Variants in PPP6R3 observed in about 807,000 individuals in gnomAD.
PPP6R3 encodes the protein serine/threonine-protein phosphatase 6 regulatory subunit 3.
In PPP6R3, 38 loss-of-function variants were observed where a neutral mutation model predicts 110.7. The observed-to-expected ratio is 0.34, with a 90% CI of 0.26 to 0.45. The LOEUF (loss-of-function observed/expected upper bound fraction) is 0.45, where lower values mean the gene tolerates loss of function less well. Among genes scored for constraint, PPP6R3 ranks in the 20% least tolerant of loss-of-function variants. PPP6R3 has a pLI of 1.00. For synonymous variants in PPP6R3, 369 were observed against 373.5 expected (o/e 0.99, Z 0.14); for missense variants, 870 against 1,062.4 (o/e 0.82, Z 2.52).
chr11:68,556,357 C>T (rs2099399428), intron 7 of PPP6R3, among the ~76,000 whole-genome samples: 1 of 152,020 alleles, frequency 6.6e-6, no homozygotes, highest in African/African-American at 2.4e-5. Flanking sequence ...GCAATCTGGG[C>T]TTAAATTGAA....
At chr11:68,505,313 TATTA>T (rs1399255055) in intron 1 of PPP6R3, 2 of 152,224 alleles carry the variant, frequency 1.3e-5, no homozygotes, top group African/African-American at 4.8e-5. Flanking sequence ...GAATGAAGAA[TATTA>T]ATTTATATGC....
At chr11:68,610,653 C>T (rs1450297529) in intron 23 of PPP6R3, among the ~76,000 whole-genome samples, 3 of 152,130 alleles carry the variant, frequency 2.0e-5, no homozygotes, top group Non-Finnish European at 4.4e-5. Flanking sequence ...CTCAGCCACC[C>T]GGAGCCCATG....
chr11:68,615,281 C>T lies in PPP6R3; in HGVS notation c.*2164C>T, dbSNP rs905985700. Reference sequence around the variant, plus strand: ...ATGAGACTAACAGATGTCTACAATACAATACCTGTATTCAAAATAACAAAA... The same window carrying T: ...ATGAGACTAACAGATGTCTACAATATAATACCTGTATTCAAAATAACAAAA... On this transcript the variant is annotated 3_prime_UTR_variant, in exon 24 of 24. Transcript: ENST00000393800. 1 of 356,216 alleles carries T rather than the reference C, an allele frequency of 2.8e-6. No individual in the cohort carries two copies. The highest frequency in any genetic ancestry group is 2.1e-5 in the African/African-American group (1 of 46,712). The allele number at this position is 356,216 out of a possible 1,614,324, so 22.1% of individuals were successfully genotyped here. A position where few individuals can be genotyped will look rare whatever the true frequency, so the allele number is the denominator to read the frequency against.
rs1281747353 is a variant in PPP6R3 at position 68,614,804 on chromosome 11, A to G, written c.*1687A>G. ...CCTCCTCTGGAAGCAGCACCCCCAG[A>G]GGACAGGGCTCCTCCTGCTTGCCTC... is the stretch of plus-strand genomic sequence containing the variant. On this transcript the variant is annotated 3_prime_UTR_variant, in exon 24 of 24. Transcript: ENST00000393800. The G allele has an allele frequency of 3.4e-6, 5 of 1,489,004 alleles. No individual in the cohort carries two copies. In the African/African-American group the frequency reaches 7.0e-5, roughly 21 times the overall value. The allele number at this position is 1,489,004 out of a possible 1,614,324, so 92.2% of individuals were successfully genotyped here.
intron 1 of PPP6R3, among the ~76,000 whole-genome samples, chr11:68,510,675 A>G (rs773791985): frequency 1.1e-4 from 17 of 152,126 alleles, no homozygotes; most frequent in Admixed American, 1.0e-3. Flanking sequence ...AAAGCTTTAT[A>G]TGTCCATATT....
At chr11:68,565,974 C>T (rs1593244043) in intron 9 of PPP6R3, among the ~76,000 whole-genome samples, 1 of 152,206 alleles carries the variant, frequency 6.6e-6, no homozygotes, top group Non-Finnish European at 1.5e-5. Context: ...TGGGGAGGGG[C>T]AGAAAGGGCA....
At chr11:68,612,851 A>G (rs982146813) in intron 23 of PPP6R3, 14 of 913,370 alleles carry the variant, frequency 1.5e-5, no homozygotes, top group Non-Finnish European at 2.0e-5. Context: ...CCCTTGCTGA[A>G]TGCCTGCTCA....
At chr11:68,576,951 C>T (rs2099533989) in intron 14 of PPP6R3, among the ~76,000 whole-genome samples, 1 of 152,166 alleles carries the variant, frequency 6.6e-6, no homozygotes, top group Non-Finnish European at 1.5e-5. Context: ...AGGGCTGTGC[C>T]CCCTACTTTG....
chr11:68,601,504 G>A (rs1210199105), intron 20 of PPP6R3, among the ~76,000 whole-genome samples: 1 of 152,230 alleles, frequency 6.6e-6, no homozygotes, highest in Non-Finnish European at 1.5e-5. Context: ...CAGTCAACCT[G>A]ATAAATACCG....
chr11:68,582,048 C>G (rs2099556777), intron 14 of PPP6R3, among the ~76,000 whole-genome samples: 2 of 152,158 alleles, frequency 1.3e-5, no homozygotes, highest in Non-Finnish European at 2.9e-5. Flanking sequence ...GTTTATTGAA[C>G]CAGTGTTGGA....
chr11:68,464,851 T>G (rs490224), intron 1 of PPP6R3, among the ~76,000 whole-genome samples: 1 of 151,860 alleles, frequency 6.6e-6, no homozygotes, highest in African/African-American at 2.4e-5. Flanking sequence ...TGTCAGTCAG[T>G]GGTCAGGTCT....
At chr11:68,542,233 GT>G (rs2099320243) in intron 3 of PPP6R3, among the ~76,000 whole-genome samples, 1 of 151,758 alleles carries the variant, frequency 6.6e-6, no homozygotes. Context: ...CGAGGAGGAA[GT>G]GCCCAGCTGT....
At chr11:68,604,141 A>G (rs1287587263) in intron 22 of PPP6R3, among the ~76,000 whole-genome samples, 2 of 152,312 alleles carry the variant, frequency 1.3e-5, no homozygotes, top group South Asian at 2.1e-4. Context: ...ACTACAAAAC[A>G]AGGAGTGAAA....
intron 10 of PPP6R3, 127 bp downstream of exon 10, chr11:68,567,293 T>TA: frequency 9.5e-7 from 1 of 1,047,218 alleles, no homozygotes; most frequent in Non-Finnish European, 1.3e-6. Context: ...TAAATGGTGT[T>TA]TTATGTAGTT....
intron 16 of PPP6R3, among the ~76,000 whole-genome samples, 153 bp from the exon 17 acceptor site, chr11:68,590,507 A>G (rs996252773): frequency 3.3e-5 from 5 of 152,232 alleles, no homozygotes; most frequent in Non-Finnish European, 7.3e-5. Flanking sequence ...AGCTGGCATC[A>G]TTTAATATAA....
intron 1 of PPP6R3, among the ~76,000 whole-genome samples, chr11:68,487,810 T>C (rs974849106): frequency 2.0e-5 from 3 of 152,202 alleles, no homozygotes; most frequent in Non-Finnish European, 4.4e-5. Flanking sequence ...TTGGTGAATG[T>C]TCTGTATGAA....
intron 3 of PPP6R3, among the ~76,000 whole-genome samples, chr11:68,541,917 T>C (rs2099317660): frequency 6.6e-6 from 1 of 152,036 alleles, no homozygotes; most frequent in African/African-American, 2.4e-5. Flanking sequence ...ACAGGTTCTT[T>C]GGAGGGGCCC....
intron 5 of PPP6R3, chr11:68,550,916 G>T (rs755074852): frequency 6.1e-5 from 31 of 505,570 alleles, no homozygotes; most frequent in Non-Finnish European, 1.0e-4. Flanking sequence ...TTGGGGAGTT[G>T]TTGGTACTGT....
In PPP6R3 at chr11:68,596,212, A is replaced by C. The variant is rs1431549227; in HGVS notation, c.2032A>C (p.Ser678Arg). The part of the protein sequence containing the change: ...NTEDKMEVDL[S>R]EPPNWSANFD... ...GGAGGATAAAATGGAGGTGGACCTG[A>C]GTGAACGTAAGTGGATTCATTCTTC... The change falls in exon 19 of 24, where the codon AGT (serine) becomes CGT (arginine). Residue 678 changes from serine to arginine, a missense_variant. Transcript: ENST00000393800. 1.2e-6 allele frequency: 2 copies of C among 1,614,212 alleles called. No homozygotes were observed. The highest frequency in any genetic ancestry group is 1.7e-6 in the Non-Finnish European group (2 of 1,180,030).
Sources: allele counts gnomAD v4.1 joint callset (sites outside exome capture counted in the v4.1 genomes callset), GRCh38; gene constraint gnomAD v4.1.1; transcripts MANE v1.5; gene names NCBI Gene and HGNC (gene_info 2026-07-23, HGNC 2026-07-21).